The following OLFM2 variants were observed in gnomAD, a reference collection of about 807,000 sequenced individuals.
The protein encoded by OLFM2 is noelin-2.
Under a neutral mutation model 43.9 loss-of-function variants are expected in OLFM2, and 20 were observed. That is an observed-to-expected ratio of 0.46 (90% CI 0.32 to 0.66). The LOEUF is 0.66. Among genes scored for constraint, OLFM2 ranks in the 30% least tolerant of loss-of-function variants. The pLI, the probability that OLFM2 is intolerant of heterozygous loss-of-function variation, is 0.04. For synonymous variants in OLFM2, 268 were observed against 278.6 expected (o/e 0.96, Z 0.38); for missense variants, 416 against 643.6 (o/e 0.65, Z 3.83).
At chr19:9,932,358 G>C (rs1490988464) in intron 1 of OLFM2, among the ~76,000 whole-genome samples, 1 of 151,638 alleles carries the variant, frequency 6.6e-6, no homozygotes, top group East Asian at 1.9e-4. Context: ...GGGAGGCTGA[G>C]GCACGAGAAT....
At chr19:9,917,685 T>A (rs1207520600) in intron 1 of OLFM2, among the ~76,000 whole-genome samples, 1 of 152,162 alleles carries the variant, frequency 6.6e-6, no homozygotes, top group Admixed American at 6.6e-5. Flanking sequence ...TCATCCCATG[T>A]GGCTTCTCAA....
intron 2 of OLFM2, chr19:9,858,075 TCCA>T (rs2046337212): frequency 4.7e-6 from 3 of 635,722 alleles, no homozygotes; most frequent in Admixed American, 2.2e-5. Context: ...TCCCATCTGG[TCCA>T]CCTACCACCA....
chr19:9,909,982 C>T lies in OLFM2; in HGVS notation c.63+26322G>A, dbSNP rs967539305. 2.6e-5 allele frequency among the ~76,000 whole-genome samples: 4 copies of T among 152,170 alleles called. 1 individual carries two copies. Among genetic ancestry groups the T allele is most frequent in the Middle Eastern group, 6.8e-3 (2 of 294 alleles). ...AATATTTATTGTAGGCCTATGTGCG[C>T]CACACCTTAGGGTTCAGTAGTGAGC... is the stretch of plus-strand genomic sequence containing the variant. On this transcript the variant is annotated intron_variant, in intron 1 of 5. Coordinates refer to ENST00000264833, the MANE Select transcript of OLFM2 (RefSeq NM_058164.4).
In OLFM2 at chr19:9,857,840, T is replaced by A. The variant is rs900619541; in HGVS notation, c.235A>T (p.Met79Leu). The A allele has an allele frequency of 6.2e-7, 1 of 1,614,040 alleles. No individual in the cohort carries two copies. Among genetic ancestry groups the A allele is most frequent in the Non-Finnish European group, 8.5e-7 (1 of 1,180,020 alleles). Residue 79 changes from methionine to leucine, a missense_variant, in exon 3 of 6, where the codon ATG becomes TTG. Physicochemically the swap from Met to Leu is conservative, Grantham distance 15. Transcript: ENST00000264833. This position sits in a 1 kb window ranked among gnomAD's most constrained non-coding sequence, Gnocchi z 5.7. ...MEKVQNVSQS[M>L]EVLELRTYRD... ...TACGTCCGCAACTCAAGGACCTCCA[T>A]GGACTGGGAGACGTTCTGGACCTAG... is the stretch of plus-strand genomic sequence containing the variant.
At chr19:9,863,734 A>G (rs1464000845) in intron 1 of OLFM2, among the ~76,000 whole-genome samples, 1 of 151,744 alleles carries the variant, frequency 6.6e-6, no homozygotes, top group African/African-American at 2.4e-5. Context: ...CTCCCACTCA[A>G]TCGAGTCTTT....
intron 1 of OLFM2, among the ~76,000 whole-genome samples, chr19:9,891,114 G>A (rs951846861): frequency 6.6e-6 from 1 of 152,046 alleles, no homozygotes; most frequent in Non-Finnish European, 1.5e-5. Flanking sequence ...AGGAGTTCAA[G>A]ACCAGCCTGG....
chr19:9,930,616 G>T (rs547029098), intron 1 of OLFM2, among the ~76,000 whole-genome samples: 3 of 151,828 alleles, frequency 2.0e-5, no homozygotes, highest in African/African-American at 7.3e-5. Flanking sequence ...AGGCCAAGGC[G>T]GGCAGATCAT....
intron 1 of OLFM2, among the ~76,000 whole-genome samples, chr19:9,861,998 C>T (rs561195372): frequency 6.4e-4 from 94 of 146,546 alleles, no homozygotes; most frequent in African/African-American, 2.2e-3. Flanking sequence ...CCAGCCTGGG[C>T]GACAGAGCAA....
chr19:9,870,000 C>A (rs1341980761), intron 1 of OLFM2, among the ~76,000 whole-genome samples: 1 of 152,122 alleles, frequency 6.6e-6, no homozygotes, highest in East Asian at 1.9e-4. Flanking sequence ...TCAAGCAATC[C>A]TCCAGCCTCA....
At chr19:9,896,379 G>A (rs2046685316) in intron 1 of OLFM2, among the ~76,000 whole-genome samples, 1 of 151,726 alleles carries the variant, frequency 6.6e-6, no homozygotes, top group Non-Finnish European at 1.5e-5. Flanking sequence ...GATTACAGGC[G>A]TGAGCCACAG....
chr19:9,857,308 C>G lies in OLFM2; in HGVS notation c.535G>C (p.Val179Leu). The G allele has an allele frequency of 6.2e-7, 1 of 1,614,152 alleles. No homozygotes were observed. The highest frequency in any genetic ancestry group is 8.5e-7 in the Non-Finnish European group (1 of 1,180,028). ...AYGYEDLQQR[V>L]MALEARLHAC... Reference sequence around the variant, plus strand: ...TGGAGCCGGGCCTCCAGGGCCATCACCCGTTGCTGCAGGTCCTCATACCCG... The same window carrying G: ...TGGAGCCGGGCCTCCAGGGCCATCAGCCGTTGCTGCAGGTCCTCATACCCG... Residue 179 changes from valine to leucine, a missense_variant, in exon 4 of 6, where the codon GTG becomes CTG. By Grantham distance (32) the Val-to-Leu change is conservative. Transcript: ENST00000264833. The surrounding 1 kb of genome is among the most constrained non-coding windows in gnomAD (Gnocchi z 5.7).
At chr19:9,935,060 C>T (rs1449964211) in intron 1 of OLFM2, among the ~76,000 whole-genome samples, 2 of 152,096 alleles carry the variant, frequency 1.3e-5, no homozygotes, top group African/African-American at 4.8e-5. Flanking sequence ...TTCAGTCCCA[C>T]CTCTGTCACT....
intron 1 of OLFM2, among the ~76,000 whole-genome samples, chr19:9,904,170 G>C (rs1361443194): frequency 7.3e-5 from 11 of 149,712 alleles, no homozygotes; most frequent in Non-Finnish European, 1.2e-4. Context: ...GTGTGTGTGT[G>C]TGTGTGTGTG....
chr19:9,876,808 G>GCTTAA lies in OLFM2; in HGVS notation c.64-16019_64-16015dup, dbSNP rs578178932. ...AGGTGGTTGTTAATATATCAGAATGGCTTAACGTAATGTTATGGTTTGAAT... is the reference window on the plus strand; with the variant it reads ...AGGTGGTTGTTAATATATCAGAATGGCTTAACTTAACGTAATGTTATGGTTTGAAT... On this transcript the variant is annotated intron_variant, in intron 1 of 5. Transcript: ENST00000264833. 3.0e-4 allele frequency among the ~76,000 whole-genome samples: 45 copies of GCTTAA among 152,262 alleles called. 4 individuals are homozygous for GCTTAA. Among genetic ancestry groups the GCTTAA allele is most frequent in the South Asian group, 2.3e-3 (11 of 4,820 alleles).
intron 1 of OLFM2, among the ~76,000 whole-genome samples, chr19:9,896,367 G>C (rs184686330): frequency 4.6e-5 from 7 of 151,986 alleles, no homozygotes; most frequent in Admixed American, 1.3e-4. Flanking sequence ...CCAAAGTGCT[G>C]GGATTACAGG....
At position 9,866,122 on chromosome 19, in the gene OLFM2, G is replaced by A. The variant is rs116024001; in HGVS notation, c.64-5328C>T. On this transcript the variant is annotated intron_variant, in intron 1 of 5. Transcript: ENST00000264833. ...CCTAAAATAATTGTCTGCGTTGGAC[G>A]CATCTCACCGGAGTGTTCTCTGCAG... Among the ~76,000 whole-genome samples, 1,241 of 152,320 alleles carry A rather than the reference G, an allele frequency of 8.1e-3. 19 individuals are homozygous for A. The highest frequency in any genetic ancestry group is 0.029 in the African/African-American group (1,187 of 41,568).
At chr19:9,867,364 C>T (rs1020185489) in intron 1 of OLFM2, among the ~76,000 whole-genome samples, 3 of 152,104 alleles carry the variant, frequency 2.0e-5, no homozygotes, top group Non-Finnish European at 4.4e-5. Context: ...GAGCGAGACC[C>T]CGTCTCAAAA....
chr19:9,857,651 G>A lies in OLFM2; in HGVS notation c.360+64C>T. 6.3e-7 allele frequency: 1 copy of A among 1,596,590 alleles called. No individual in the cohort carries two copies. The highest frequency in any genetic ancestry group is 8.6e-7 in the Non-Finnish European group (1 of 1,164,432). On this transcript the variant is annotated intron_variant, in intron 3 of 5. Coordinates refer to ENST00000264833, the MANE Select transcript of OLFM2 (RefSeq NM_058164.4). This position sits in a 1 kb window ranked among gnomAD's most constrained non-coding sequence, Gnocchi z 5.7. ...CTTCCCAGACATGACTCCATTGTAGGAACTAATGGATACCAAATCCCAGTC... is the reference window on the plus strand; with the variant it reads ...CTTCCCAGACATGACTCCATTGTAGAAACTAATGGATACCAAATCCCAGTC...
At chr19:9,875,907 C>T (rs921679819) in intron 1 of OLFM2, among the ~76,000 whole-genome samples, 3 of 152,056 alleles carry the variant, frequency 2.0e-5, no homozygotes, top group Non-Finnish European at 4.4e-5. Flanking sequence ...CCTTTTCTAA[C>T]ATTAGCTGGT....
Sources: allele counts gnomAD v4.1 joint callset (sites outside exome capture counted in the v4.1 genomes callset), GRCh38; gene constraint gnomAD v4.1.1; non-coding constraint Gnocchi (gnomAD v3.1); transcripts MANE v1.5; gene names NCBI Gene and HGNC (gene_info 2026-07-23, HGNC 2026-07-21).